TMEM38A: variants seen among roughly 807,000 people sequenced by gnomAD.
TMEM38A encodes the protein transmembrane protein 38A, also known as trimeric intracellular cation channel type A.
In TMEM38A, 17 loss-of-function variants were observed where a neutral mutation model predicts 28.6. The observed-to-expected ratio is 0.60, with a 90% CI of 0.41 to 0.89. TMEM38A has a LOEUF of 0.89. TMEM38A is among the 40% of genes least tolerant of loss of function. The pLI, the probability that TMEM38A is intolerant of heterozygous loss-of-function variation, is 0.00. For synonymous variants in TMEM38A, 169 were observed against 166.1 expected, an observed-to-expected ratio of 1.02 and a Z score of -0.14; for missense variants, 328 against 393.1, an observed-to-expected ratio of 0.83 and a Z score of 1.40.
chr19:16,683,220 G>A (rs375958162), intron 4 of TMEM38A, among the ~76,000 whole-genome samples: 11 of 151,880 alleles, frequency 7.2e-5, no homozygotes, highest in Non-Finnish European at 1.2e-4. Context: ...GTGATCTGCC[G>A]ACCTCAGCCT....
intron 1 of TMEM38A, among the ~76,000 whole-genome samples, chr19:16,674,974 C>A (rs62116938): frequency 6.6e-6 from 1 of 152,074 alleles, no homozygotes; most frequent in East Asian, 1.9e-4. Flanking sequence ...CAAATCCACC[C>A]GTTGAATGTA....
rs183087427 is a variant in TMEM38A, at chr19:16,680,436, G to C, written c.321G>C (p.Lys107Asn). ...TCTGCCCCCTGGACCTCTTCTACAA[G>C]TGTGTCTGCTTCCTGCCTGTGAAAC... Reference protein sequence around the residue: ...IFFCPLDLFYKCVCFLPVKLI... With the variant: ...IFFCPLDLFYNCVCFLPVKLI... Residue 107 changes from lysine to asparagine, a missense_variant, in exon 3 of 6, where the codon AAG becomes AAC. Lys to Asn is a moderately conservative substitution (Grantham distance 94, BLOSUM62 0). Transcript: ENST00000187762. 4.9e-5 allele frequency: 79 copies of C among 1,614,122 alleles called. 1 individual carries two copies. The East Asian group carries it at 1.2e-3, about 26-fold the overall frequency.
chr19:16,665,114 G>A (rs2086697655), intron 1 of TMEM38A, among the ~76,000 whole-genome samples: 1 of 152,096 alleles, frequency 6.6e-6, no homozygotes, highest in African/African-American at 2.4e-5. Context: ...GACCTACATG[G>A]AGAAACCCTG....
rs2086678930 is a variant in TMEM38A, at chr19:16,661,583, T to C, written c.124+242T>C. Among the ~76,000 whole-genome samples the C allele has an allele frequency of 6.6e-6, 1 of 151,050 alleles. No homozygotes were observed. On this transcript the variant is annotated intron_variant, in intron 1 of 5. Coordinates refer to ENST00000187762, the MANE Select transcript of TMEM38A (RefSeq NM_024074.4). This position sits in a 1 kb window ranked among gnomAD's most constrained non-coding sequence, Gnocchi z 6.5. ...GGGGAAGGAGAGGCGTGCGCGGGTT[T>C]AGAGGAGGGGGAACAGGTGCTTGGG...
chr19:16,666,962 A>AG (rs1300438142), intron 1 of TMEM38A, among the ~76,000 whole-genome samples: 1 of 148,060 alleles, frequency 6.8e-6, no homozygotes, highest in African/African-American at 2.5e-5. Context: ...CAAAAAAAAA[A>AG]AAAAGAAAAG....
chr19:16,665,489 C>CAA (rs57211418), intron 1 of TMEM38A, among the ~76,000 whole-genome samples: 4 of 138,516 alleles, frequency 2.9e-5, no homozygotes, highest in African/African-American at 1.0e-4. Flanking sequence ...GACCCTGTCT[C>CAA]AAAAAAAAAA....
chr19:16,686,701 A>G (rs1301415686), intron 5 of TMEM38A, among the ~76,000 whole-genome samples: 1 of 152,136 alleles, frequency 6.6e-6, no homozygotes, highest in Non-Finnish European at 1.5e-5. Flanking sequence ...CTGAAATGGC[A>G]GCATCAGGTA....
At chr19:16,683,219 C>T (rs530513640) in intron 4 of TMEM38A, among the ~76,000 whole-genome samples, 2 of 152,122 alleles carry the variant, frequency 1.3e-5, no homozygotes, top group African/African-American at 2.4e-5. Flanking sequence ...AGTGATCTGC[C>T]GACCTCAGCC....
intron 1 of TMEM38A, among the ~76,000 whole-genome samples, chr19:16,674,481 C>A (rs1361375570): frequency 1.3e-5 from 2 of 151,570 alleles, no homozygotes; most frequent in Non-Finnish European, 2.9e-5. Context: ...GCAGGGACCT[C>A]ACCTGTCTTG....
chr19:16,677,980 A>G (rs1194870236), intron 1 of TMEM38A, among the ~76,000 whole-genome samples: 1 of 152,168 alleles, frequency 6.6e-6, no homozygotes, highest in African/African-American at 2.4e-5. Flanking sequence ...AAAGTCATCA[A>G]TTTCATAGAG....
At chr19:16,685,743 T>TTATCAAGGCAGGACACTCC (rs2086799052) in intron 4 of TMEM38A, among the ~76,000 whole-genome samples, 1 of 152,180 alleles carries the variant, frequency 6.6e-6, no homozygotes, top group Non-Finnish European at 1.5e-5. Flanking sequence ...AAAGACAGTC[T>TTATCAAGGCAGGACACTCC]TATCAAGGCA....
intron 2 of TMEM38A, 57 bp downstream of exon 2, chr19:16,680,197 C>T (rs755223803): frequency 2.5e-5 from 40 of 1,584,660 alleles, no homozygotes; most frequent in Non-Finnish European, 3.3e-5. Context: ...ACAACCTGGG[C>T]ACCAGGGAGG....
chr19:16,684,466 C>T (rs930849630), intron 4 of TMEM38A, among the ~76,000 whole-genome samples: 9 of 149,684 alleles, frequency 6.0e-5, no homozygotes, highest in African/African-American at 1.7e-4. Flanking sequence ...GGCAACAGAG[C>T]GAGACCTTGT....
At position 16,668,302 on chromosome 19, in the gene TMEM38A, TG is replaced by T. The variant is rs527361346; in HGVS notation, c.124+6964del. Reference sequence around the variant, plus strand: ...GCTCACATCTGTAATCCCAGCAAGTTGGGACACCAAGGCAGGCAGATCACTT... The same window carrying T: ...GCTCACATCTGTAATCCCAGCAAGTTGGACACCAAGGCAGGCAGATCACTT... On this transcript the variant is annotated intron_variant, in intron 1 of 5. Transcript: ENST00000187762. Among the ~76,000 whole-genome samples the T allele has an allele frequency of 6.1e-3, 922 of 151,978 alleles. 11 individuals carry two copies. Among genetic ancestry groups the T allele is most frequent in the African/African-American group, 0.021 (874 of 41,480 alleles).
Position 16,688,248 on chromosome 19 carries a change from C to T in TMEM38A, c.777C>T (p.His259=), listed in dbSNP as rs186471011. The change falls in exon 6 of 6, where the codon CAC becomes CAT. Residue 259 remains histidine (H), a synonymous_variant. Transcript: ENST00000187762. ...FGSACGGDHH[H]DNHGGSHSGG... Reference sequence around the variant, plus strand: ...CGGCCTGCGGGGGTGACCATCACCACGACAACCATGGTGGGTCCCACAGCG... The same window carrying T: ...CGGCCTGCGGGGGTGACCATCACCATGACAACCATGGTGGGTCCCACAGCG... 5.5e-5 allele frequency: 87 copies of T among 1,577,508 alleles called. No homozygotes were observed. Among genetic ancestry groups the T allele is most frequent in the African/African-American group, 9.4e-5 (7 of 74,196 alleles).
At chr19:16,669,763 C>T (rs1051402107) in intron 1 of TMEM38A, among the ~76,000 whole-genome samples, 3 of 152,026 alleles carry the variant, frequency 2.0e-5, no homozygotes, top group Non-Finnish European at 2.9e-5. Flanking sequence ...ATGCTTCATA[C>T]ACCTCTGACT....
At chr19:16,664,876 T>TA (rs74633143) in intron 1 of TMEM38A, among the ~76,000 whole-genome samples, 8,488 of 151,096 alleles carry the variant, frequency 0.056, 419 homozygotes, top group East Asian at 0.25. Context: ...ATAATAATAA[T>TA]AAAAAAAGAA....
At chr19:16,666,827 C>T (rs1425279552) in intron 1 of TMEM38A, among the ~76,000 whole-genome samples, 1 of 151,898 alleles carries the variant, frequency 6.6e-6, no homozygotes, top group Admixed American at 6.6e-5. Flanking sequence ...GTGGCGGGCT[C>T]CTGTAATCCC....
intron 1 of TMEM38A, 83 bp from the exon 2 acceptor site, chr19:16,679,901 A>G (rs2086772618): frequency 6.9e-7 from 1 of 1,439,084 alleles, no homozygotes; most frequent in Admixed American, 2.2e-5. Context: ...GCTCTGGATT[A>G]GGATAGGCTG....
Sources: gnomAD v4.1 joint callset for allele counts (sites outside exome capture counted in the v4.1 genomes callset) on GRCh38, gnomAD v4.1.1 for gene constraint, Gnocchi (gnomAD v3.1) non-coding constraint, MANE v1.5 for transcripts, NCBI Gene and HGNC (gene_info 2026-07-23, HGNC 2026-07-21) for gene names.